LRRC53: variants seen among roughly 807,000 people sequenced by gnomAD.
LRRC53 encodes leucine-rich repeat-containing protein 53.
In LRRC53, 25 loss-of-function variants were observed where a neutral mutation model predicts 13.6. The ratio of observed to expected loss-of-function variants is 1.83; its 90% confidence interval spans 1.34 to 2.56. The LOEUF is 2.56. LRRC53 is among the 30% of genes most tolerant of loss of function. The pLI is 0.00. For synonymous variants in LRRC53, 204 were observed against 109.8 expected, an observed-to-expected ratio of 1.86 and a Z score of -5.37; for missense variants, 527 against 275.8, an observed-to-expected ratio of 1.91 and a Z score of -6.45.
At chr1:74,532,408 G>GCTC in the LRRC53 span, among the ~76,000 whole-genome samples, 1 of 151,924 alleles carries the variant, frequency 6.6e-6, no homozygotes, top group East Asian at 1.9e-4. Flanking sequence ...AATTCAATGA[G>GCTC]CTCCTGAAAT....
the LRRC53 span, among the ~76,000 whole-genome samples, chr1:74,531,444 T>A: frequency 9.2e-5 from 14 of 152,256 alleles, no homozygotes; most frequent in African/African-American, 3.4e-4. Flanking sequence ...ATCATCTTAC[T>A]CTTTAGGCCA....
intron 1 of LRRC53, among the ~76,000 whole-genome samples, chr1:74,501,738 C>T (rs1282452188): frequency 6.6e-6 from 1 of 152,026 alleles, no homozygotes; most frequent in African/African-American, 2.4e-5. Flanking sequence ...CTGTCCACCT[C>T]GGCCTCCCAA....
intron 3 of LRRC53, among the ~76,000 whole-genome samples, chr1:74,478,006 T>C (rs1363225555): frequency 6.6e-6 from 1 of 152,228 alleles, no homozygotes; most frequent in Non-Finnish European, 1.5e-5. Flanking sequence ...TAACCATTTA[T>C]TAGTTTTAAA....
intron 1 of LRRC53, among the ~76,000 whole-genome samples, chr1:74,501,478 T>G (rs575780699): frequency 2.5e-5 from 3 of 121,754 alleles, no homozygotes; most frequent in African/African-American, 1.6e-4. Flanking sequence ...TGTTTTGTGT[T>G]TGTTTGTTTG....
At chr1:74,533,439 T>C in the LRRC53 span, among the ~76,000 whole-genome samples, 3 of 152,078 alleles carry the variant, frequency 2.0e-5, no homozygotes, top group Admixed American at 6.5e-5. Flanking sequence ...TGTGGAGAAA[T>C]AGGAACACTT....
rs568136039 is a variant in LRRC53, at chr1:74,506,253, T to G, written c.-27+6273A>C. ...GTATGTTCTAGACGCTATTGTGCAT[T>G]TTTTGTATGCCTGTCGTAGCACAGA... On this transcript the variant is annotated intron_variant, in intron 1 of 4. Transcript: ENST00000294635. 3.9e-5 allele frequency among the ~76,000 whole-genome samples: 6 copies of G among 152,350 alleles called. No homozygotes were observed. In the South Asian group the frequency reaches 1.2e-3, roughly 32 times the overall value.
At chr1:74,499,453 A>G (rs895083933) in intron 1 of LRRC53, among the ~76,000 whole-genome samples, 7 of 152,214 alleles carry the variant, frequency 4.6e-5, no homozygotes, top group Admixed American at 4.6e-4. Context: ...TTATTAAAGT[A>G]TGTTGTTGTA....
At chr1:74,490,110 A>G (rs1346527966) in intron 1 of LRRC53, among the ~76,000 whole-genome samples, 2 of 151,060 alleles carry the variant, frequency 1.3e-5, no homozygotes, top group Non-Finnish European at 2.9e-5. Context: ...AGTCTATTGG[A>G]AAAGGATTTG....
rs1670128284 is a variant in LRRC53, at chr1:74,510,439, T to TCTCC, written c.-27+2086_-27+2087insGGAG. 3.3e-5 allele frequency among the ~76,000 whole-genome samples: 5 copies of TCTCC among 151,462 alleles called. No homozygotes were observed. The South Asian group carries it at 1.0e-3, about 32-fold the overall frequency. On this transcript the variant is annotated intron_variant, in intron 1 of 4. Coordinates refer to ENST00000294635, the MANE Select transcript of LRRC53 (RefSeq NM_001382280.1). ...AGGAGAATGGCTTGAACCCGGGAGG[T>TCTCC]GGAGCTTGCAGAGAGCCGACATCGC...
chr1:74,515,055 C>G (rs183721458), upstream of LRRC53, among the ~76,000 whole-genome samples: 1 of 152,310 alleles, frequency 6.6e-6, no homozygotes. Context: ...TCACCAGAAA[C>G]TAGGACATGG....
At position 74,470,302 on chromosome 1, in the gene LRRC53, C is replaced by T. The variant is rs1008379442; in HGVS notation, c.3320G>A (p.Gly1107Asp). ...AGTTTGCTGCCTTTCTTTTGTGATG[C>T]CTTTTAAGGTCATTTGTGAGATCTG... ...LTQISQMTLK[G>D]ITKERQQTWE... Residue 1107 changes from glycine (G) to aspartate (D), a missense_variant, in exon 5 of 5, where the codon GGC becomes GAC. Physicochemically the swap from Gly to Asp is moderately conservative, Grantham distance 94 (BLOSUM62 -1). Transcript: ENST00000294635. 10 of 400,494 alleles carry T rather than the reference C, an allele frequency of 2.5e-5. 1 individual carries two copies. Among genetic ancestry groups the T allele is most frequent in the African/African-American group, 6.2e-5 (3 of 48,678 alleles). The allele number at this position is 400,494 out of a possible 1,614,324, so 24.8% of individuals were successfully genotyped here.
intron 1 of LRRC53, among the ~76,000 whole-genome samples, chr1:74,500,066 CTAAT>C (rs1346849661): frequency 4.6e-5 from 7 of 151,480 alleles, no homozygotes; most frequent in Non-Finnish European, 7.4e-5. Context: ...TTTAAAATAA[CTAAT>C]TATATTTTTA....
In LRRC53 at chr1:74,476,515, T is replaced by G. The variant is rs145862622; in HGVS notation, c.905-705A>C. Among the ~76,000 whole-genome samples, 249 of 152,270 alleles carry G rather than the reference T, an allele frequency of 1.6e-3. 2 individuals carry two copies. Among genetic ancestry groups the G allele is most frequent in the African/African-American group, 5.7e-3 (236 of 41,560 alleles). On this transcript the variant is annotated intron_variant, in intron 3 of 4. Transcript: ENST00000294635. ...GAGGCAACACATCCTTTTAGTCCTG[T>G]TCAACATTCTATCCCCAGTGTCCAC...
chr1:74,483,299 T>A lies in LRRC53; in HGVS notation c.51A>T (p.Lys17Asn), dbSNP rs1414299675. 1.4e-6 allele frequency: 1 copy of A among 717,534 alleles called. No homozygotes were observed. Among genetic ancestry groups the A allele is most frequent in the Non-Finnish European group, 2.6e-6 (1 of 385,004 alleles). 44.4% of individuals were successfully genotyped at this position (717,534 alleles called of 1,614,324 possible). ...ACPESCVVCT[K>N]DVTLCHQLTY... is the part of the protein sequence containing the mutation. Reference sequence around the variant, plus strand: ...TTAGCTGGTGACAGAGGGTTACATCTTTGGTGCACACCACACATGACTCAG... The same window carrying A: ...TTAGCTGGTGACAGAGGGTTACATCATTGGTGCACACCACACATGACTCAG... The change falls in exon 2 of 5, where the codon AAA (lysine) becomes AAT (asparagine). Residue 17 changes from lysine (K) to asparagine (N), a missense_variant. By Grantham distance (94) the Lys-to-Asn change is moderately conservative. Coordinates refer to ENST00000294635, the MANE Select transcript of LRRC53 (RefSeq NM_001382280.1).
At chr1:74,525,850 A>T in the LRRC53 span, among the ~76,000 whole-genome samples, 1 of 152,206 alleles carries the variant, frequency 6.6e-6, no homozygotes, top group African/African-American at 2.4e-5. Context: ...ATCACAGCAC[A>T]TCACACCAGA....
intron 1 of LRRC53, among the ~76,000 whole-genome samples, chr1:74,493,168 T>C (rs557992388): frequency 6.9e-4 from 105 of 152,250 alleles, no homozygotes; most frequent in African/African-American, 2.4e-3. Context: ...GGTAAATCTA[T>C]AAAAACAAAA....
intron 1 of LRRC53, among the ~76,000 whole-genome samples, chr1:74,490,050 TAAAAAAAAA>T (rs36063099): frequency 2.3e-5 from 1 of 42,892 alleles, no homozygotes; most frequent in Non-Finnish European, 5.2e-5. Context: ...TTTTTTTTTC[TAAAAAAAAA>T]AAAAAAAAAA....
At chr1:74,483,188 G>A in intron 2 of LRRC53, 74 bp downstream of exon 2, 1 of 702,192 alleles carries the variant, frequency 1.4e-6, no homozygotes, top group East Asian at 2.7e-5. Context: ...AGAACAGTCA[G>A]TACAATGAAA....
chr1:74,521,772 A>G, the LRRC53 span, among the ~76,000 whole-genome samples: 1 of 152,190 alleles, frequency 6.6e-6, no homozygotes. Flanking sequence ...GAATACATGA[A>G]TGAATAAATG....
Sources: allele counts gnomAD v4.1 joint callset (sites outside exome capture counted in the v4.1 genomes callset), GRCh38; gene constraint gnomAD v4.1.1; transcripts MANE v1.5; gene names NCBI Gene and HGNC (gene_info 2026-07-23, HGNC 2026-07-21).